The following GLP1R variants were observed in gnomAD, a reference collection of about 807,000 sequenced individuals.
GLP1R encodes the protein glucagon like peptide 1 receptor.
In GLP1R, 32 loss-of-function variants were observed where a neutral mutation model predicts 68.4. The ratio of observed to expected loss-of-function variants is 0.47; its 90% CI spans 0.35 to 0.63. GLP1R has a LOEUF of 0.63. GLP1R is among the 20% of genes least tolerant of loss of function. The pLI, the probability that GLP1R is intolerant of heterozygous loss-of-function variation, is 0.00. For synonymous variants in GLP1R, 263 were observed against 244.4 expected (o/e 1.08, Z -0.71); for missense variants, 502 against 594.9 (o/e 0.84, Z 1.62).
At chr6:39,059,660 C>T (rs1031084028) in intron 3 of GLP1R, among the ~76,000 whole-genome samples, 1 of 152,150 alleles carries the variant, frequency 6.6e-6, no homozygotes, top group Admixed American at 6.5e-5. Flanking sequence ...GAAATGGTAG[C>T]TGTTAATTTT....
intron 7 of GLP1R, among the ~76,000 whole-genome samples, chr6:39,075,374 T>C (rs1051935791): frequency 2.6e-5 from 4 of 152,058 alleles, no homozygotes; most frequent in African/African-American, 9.7e-5. Flanking sequence ...GGAAATAGCA[T>C]CAGCGCTGTT....
chr6:39,079,648 G>A lies in GLP1R; in HGVS notation c.1128G>A (p.Arg376=). 2 of 1,612,368 alleles carry A rather than the reference G, an allele frequency of 1.2e-6. No homozygotes were observed. The highest frequency in any genetic ancestry group is 1.7e-6 in the Non-Finnish European group (2 of 1,179,308). Residue 376 remains arginine (R), a synonymous_variant, in exon 11 of 13, where the codon CGG becomes CGA. Transcript: ENST00000373256. The surrounding 1 kb of genome is among the most constrained non-coding windows in gnomAD (Gnocchi z 4.5). ...IFAFVMDEHA[R]GTLRFIKLFT... ...CCTTTGTGATGGACGAGCACGCCCGGGGGACCCTGCGCTTCATCAAGCTGT... is the reference window on the plus strand; with the variant it reads ...CCTTTGTGATGGACGAGCACGCCCGAGGGACCCTGCGCTTCATCAAGCTGT...
intron 1 of GLP1R, among the ~76,000 whole-genome samples, chr6:39,050,273 G>A (rs1370531411): frequency 6.6e-6 from 1 of 152,158 alleles, no homozygotes; most frequent in African/African-American, 2.4e-5. Flanking sequence ...CCAAGATGTG[G>A]TTCTTGCCCA....
At chr6:39,066,501 C>T (rs776764996) in intron 5 of GLP1R, among the ~76,000 whole-genome samples, 198 bp downstream of exon 5, 6 of 152,198 alleles carry the variant, frequency 3.9e-5, no homozygotes, top group South Asian at 4.1e-4. Context: ...CTAGTCTCCA[C>T]GGTGTAAAAG....
chr6:39,048,872 C>G lies in GLP1R; in HGVS notation c.32C>G (p.Ala11Gly). Residue 11 changes from alanine (A) to glycine (G), a missense_variant, in exon 1 of 13, where the codon GCG (alanine) becomes GGG (glycine). Transcript: ENST00000373256. MAGAPGPLRL[A>G]LLLLGMVGRA... ...GGCGCCCCCGGCCCGCTGCGCCTTG[C>G]GCTGCTGCTGCTCGGGATGGTGGGC... is the stretch of plus-strand genomic sequence containing the variant. The G allele has an allele frequency of 6.7e-7, 1 of 1,498,310 alleles. No individual in the cohort carries two copies. Among genetic ancestry groups the G allele is most frequent in the South Asian group, 1.3e-5 (1 of 79,550 alleles). 92.8% of individuals were successfully genotyped at this position (1,498,310 alleles called of 1,614,324 possible). A position where few individuals can be genotyped will look rare whatever the true frequency, so the allele number is the denominator to read the frequency against.
At chr6:39,051,151 A>G (rs1033280950) in intron 1 of GLP1R, among the ~76,000 whole-genome samples, 3 of 152,168 alleles carry the variant, frequency 2.0e-5, no homozygotes, top group Non-Finnish European at 1.5e-5. Context: ...CAAAGTTAAA[A>G]TCAGACACAA....
intron 7 of GLP1R, among the ~76,000 whole-genome samples, chr6:39,075,439 T>C (rs886960687): frequency 1.3e-5 from 2 of 152,150 alleles, no homozygotes; most frequent in East Asian, 3.9e-4. Context: ...ACGTGTGTGA[T>C]GTGTGCAGAG....
rs1768024088 is a variant in GLP1R at position 39,048,913 on chromosome 6, C to A, written c.73C>A (p.Pro25Thr). The change falls in exon 1 of 13, where the codon CCC becomes ACC. Residue 25 changes from proline (P) to threonine (T), a missense_variant. By Grantham distance (38) the Pro-to-Thr change is conservative (BLOSUM62 -1). Transcript: ENST00000373256. ...GATGGTGGGCAGGGCCGGCCCCCGC[C>A]CCCAGGTGAGATCCAGGGACCCCGA... Reference protein sequence around the residue: ...LGMVGRAGPRPQGATVSLWET... With the variant: ...LGMVGRAGPRTQGATVSLWET... The A allele has an allele frequency of 1.4e-6, 2 of 1,387,058 alleles. No homozygotes were observed. 85.9% of individuals were successfully genotyped at this position (1,387,058 alleles called of 1,614,324 possible).
At chr6:39,055,216 G>A (rs567016752) in intron 1 of GLP1R, among the ~76,000 whole-genome samples, 1 of 152,326 alleles carries the variant, frequency 6.6e-6, no homozygotes, top group Non-Finnish European at 1.5e-5. Flanking sequence ...TACAAGGCAA[G>A]GGGGCAAGCT....
At chr6:39,062,388 C>T (rs1424793371) in intron 3 of GLP1R, among the ~76,000 whole-genome samples, 2 of 152,224 alleles carry the variant, frequency 1.3e-5, no homozygotes, top group Non-Finnish European at 2.9e-5. Context: ...ATCTGGGGAT[C>T]ATGGGCCCAG....
rs1768026432 is a variant in GLP1R, at chr6:39,049,014, A to T, written c.78+96A>T. ...GTGGAGGGCCCCGGGACTTGAACGA[A>T]ACTCCGAGACCGCTGGCGGGGGCAT... On this transcript the variant is annotated intron_variant, in intron 1 of 12. Transcript: ENST00000373256. This position sits in a 1 kb window ranked among gnomAD's most constrained non-coding sequence, Gnocchi z 4.5. The T allele has an allele frequency of 1.9e-6, 1 of 524,594 alleles. No individual in the cohort carries two copies. The highest frequency in any genetic ancestry group is 2.0e-5 in the African/African-American group (1 of 49,574). The allele number at this position is 524,594 out of a possible 1,614,324, so 32.5% of individuals were successfully genotyped here. A position where few individuals can be genotyped will look rare whatever the true frequency, so the allele number is the denominator to read the frequency against.
intron 12 of GLP1R, among the ~76,000 whole-genome samples, chr6:39,082,418 T>C (rs1243933351): frequency 1.3e-5 from 2 of 152,084 alleles, no homozygotes; most frequent in Non-Finnish European, 2.9e-5. Context: ...ACTTAATGCC[T>C]CAGGGAAGCA....
chr6:39,086,396 CCAGA>C lies in GLP1R; in HGVS notation c.*328_*331del, dbSNP rs1218479380. 2 of 249,536 alleles carry C rather than the reference CCAGA, an allele frequency of 8.0e-6. No individual in the cohort carries two copies. Among genetic ancestry groups the C allele is most frequent in the African/African-American group, 4.5e-5 (2 of 44,744 alleles). The allele number at this position is 249,536 out of a possible 1,614,324, so 15.5% of individuals were successfully genotyped here. On this transcript the variant is annotated 3_prime_UTR_variant, in exon 13 of 13. Coordinates refer to ENST00000373256, the MANE Select transcript of GLP1R (RefSeq NM_002062.5). This position sits in a 1 kb window ranked among gnomAD's most constrained non-coding sequence, Gnocchi z 4.5. ...GAAACCACAGGCCCTTGGGGTTCCCCCAGACAGAGCCGCAAATCAACCCCAGACT... is the reference window on the plus strand; with the variant it reads ...GAAACCACAGGCCCTTGGGGTTCCCCCAGAGCCGCAAATCAACCCCAGACT...
At chr6:39,063,092 G>T (rs2150825822) in intron 3 of GLP1R, among the ~76,000 whole-genome samples, 2 of 152,320 alleles carry the variant, frequency 1.3e-5, no homozygotes, top group South Asian at 4.1e-4. Context: ...TAGATGGTTT[G>T]TGTGCCTGTG....
chr6:39,079,816 A>G lies in GLP1R; in HGVS notation c.1182+114A>G. 2 of 941,054 alleles carry G rather than the reference A, an allele frequency of 2.1e-6. 1 individual carries two copies. Among genetic ancestry groups the G allele is most frequent in the South Asian group, 3.0e-5 (2 of 66,094 alleles). 58.3% of individuals were successfully genotyped at this position (941,054 alleles called of 1,614,324 possible). A position where few individuals can be genotyped will look rare whatever the true frequency, so the allele number is the denominator to read the frequency against. On this transcript the variant is annotated intron_variant, in intron 11 of 12. Coordinates refer to ENST00000373256, the MANE Select transcript of GLP1R (RefSeq NM_002062.5). This position sits in a 1 kb window ranked among gnomAD's most constrained non-coding sequence, Gnocchi z 4.5. Reference sequence around the variant, plus strand: ...GGGAAGACTGGGACCTGGAGGGGTGATCCCTGCCCAAAGTCACCTAGTTGG... The same window carrying G: ...GGGAAGACTGGGACCTGGAGGGGTGGTCCCTGCCCAAAGTCACCTAGTTGG...
chr6:39,079,715 T>C lies in GLP1R; in HGVS notation c.1182+13T>C, dbSNP rs776204141. ...CACCTCCTTCCAGGTGACTTCATGC[T>C]TGGGGACACTTGCTTGTAAAGTCCT... is the stretch of plus-strand genomic sequence containing the variant. On this transcript the variant is annotated intron_variant, in intron 11 of 12. Transcript: ENST00000373256. The surrounding 1 kb of genome is among the most constrained non-coding windows in gnomAD (Gnocchi z 4.5). The C allele has an allele frequency of 3.1e-6, 5 of 1,609,738 alleles. No individual in the cohort carries two copies. In the South Asian group the frequency reaches 4.4e-5, roughly 14 times the overall value.
chr6:39,074,468 G>A, intron 7 of GLP1R: 1 of 152,144 alleles, frequency 6.6e-6, no homozygotes, highest in Non-Finnish European at 1.5e-5. Context: ...TCACCCCTGG[G>A]AAAACATGCA....
intron 1 of GLP1R, among the ~76,000 whole-genome samples, chr6:39,050,249 C>A (rs895105783): frequency 6.6e-6 from 1 of 152,148 alleles, no homozygotes; most frequent in Non-Finnish European, 1.5e-5. Flanking sequence ...CTTTCAGGGG[C>A]CAGGGCTGCA....
At chr6:39,064,238 C>T (rs1259421322) in intron 3 of GLP1R, among the ~76,000 whole-genome samples, 2 of 152,066 alleles carry the variant, frequency 1.3e-5, no homozygotes, top group African/African-American at 4.8e-5. Flanking sequence ...CTCTTGAGCT[C>T]AGGCAATCCA....
Sources: gnomAD v4.1 joint callset for allele counts (sites outside exome capture counted in the v4.1 genomes callset) on GRCh38, gnomAD v4.1.1 for gene constraint, Gnocchi (gnomAD v3.1) non-coding constraint, MANE v1.5 for transcripts, NCBI Gene and HGNC (gene_info 2026-07-23, HGNC 2026-07-21) for gene names.